Variants in GPR139 observed in about 807,000 individuals in gnomAD.
The protein encoded by GPR139 is probable G protein-coupled receptor 139.
GPR139 carries 12 observed loss-of-function variants against 25.8 expected under a neutral mutation model. The observed-to-expected ratio is 0.47, with a 90% CI of 0.30 to 0.75. The LOEUF (loss-of-function observed/expected upper bound fraction) is 0.75, where lower values mean the gene tolerates loss of function less well. Ranked by LOEUF, GPR139 falls within the 30% of genes least tolerant of loss-of-function variation. GPR139 has a pLI of 0.07. For synonymous variants in GPR139, 184 were observed against 179.9 expected, an observed-to-expected ratio of 1.02 and a Z score of -0.18; for missense variants, 380 against 450.2, an observed-to-expected ratio of 0.84 and a Z score of 1.41.
chr16:20,031,404 T>TCTC lies in GPR139; in HGVS notation c.*330_*331insGAG. 1 of 302,010 alleles carries TCTC rather than the reference T, an allele frequency of 3.3e-6. No individual in the cohort carries two copies. Among genetic ancestry groups the TCTC allele is most frequent in the South Asian group, 5.1e-5 (1 of 19,784 alleles). 18.7% of individuals were successfully genotyped at this position (302,010 alleles called of 1,614,324 possible). The stretch of plus-strand genomic sequence containing the variant: ...ATGAAGGGTTCCCAGTGACTGTGGA[T>TCTC]GGTACCAGGGCGAAATCACAGACTA... On this transcript the variant is annotated 3_prime_UTR_variant, in exon 2 of 2. Transcript: ENST00000570682.
chr16:20,065,170 A>T (rs1262770606), intron 1 of GPR139, among the ~76,000 whole-genome samples: 3 of 152,066 alleles, frequency 2.0e-5, no homozygotes, highest in Non-Finnish European at 4.4e-5. Context: ...GCCTGCAGAT[A>T]TGTTTGGTTT....
At chr16:20,047,935 G>A (rs114555725) in intron 1 of GPR139, among the ~76,000 whole-genome samples, 5 of 152,106 alleles carry the variant, frequency 3.3e-5, no homozygotes, top group African/African-American at 1.2e-4. Context: ...GAAAGTGCCC[G>A]GTGCTAGGCA....
At chr16:20,053,592 T>C (rs2057379471) in intron 1 of GPR139, among the ~76,000 whole-genome samples, 1 of 152,132 alleles carries the variant, frequency 6.6e-6, no homozygotes, top group Non-Finnish European at 1.5e-5. Flanking sequence ...CTCAGTGAAA[T>C]TGCTTTGCAA....
In GPR139 at chr16:20,032,580, C is replaced by T. The variant is rs2057294820; in HGVS notation, c.217G>A (p.Asp73Asn). 7 of 1,614,094 alleles carry T rather than the reference C, an allele frequency of 4.3e-6. No individual in the cohort carries two copies. The highest frequency in any genetic ancestry group is 1.1e-5 in the South Asian group (1 of 91,080). ...YNYLLALAAA[D>N]ILVLFFIVFV... The stretch of plus-strand genomic sequence containing the variant: ...ACTATGAAAAAGAGGACCAAGATGT[C>T]GGCAGCAGCGAGTGCCAAGAGATAG... Residue 73 changes from aspartate (D) to asparagine (N), a missense_variant, in exon 2 of 2, where the codon GAC (aspartate) becomes AAC (asparagine). By Grantham distance (23) the Asp-to-Asn change is conservative. Coordinates refer to ENST00000570682, the MANE Select transcript of GPR139 (RefSeq NM_001002911.4).
intron 1 of GPR139, among the ~76,000 whole-genome samples, chr16:20,058,745 C>A (rs1219475970): frequency 6.6e-6 from 1 of 152,166 alleles, no homozygotes; most frequent in Non-Finnish European, 1.5e-5. Flanking sequence ...ATTTGTCAAA[C>A]GACAGTGCTG....
At position 20,060,105 on chromosome 16, in the gene GPR139, T is replaced by C. The variant is rs969398783; in HGVS notation, c.127+13385A>G. Among the ~76,000 whole-genome samples, 9 of 152,142 alleles carry C rather than the reference T, an allele frequency of 5.9e-5. 1 individual carries two copies. Among genetic ancestry groups the C allele is most frequent in the Admixed American group, 5.9e-4 (9 of 15,282 alleles). On this transcript the variant is annotated intron_variant, in intron 1 of 1. Coordinates refer to ENST00000570682, the MANE Select transcript of GPR139 (RefSeq NM_001002911.4). ...TTCCACCACATTCCAGGGAAGACAC[T>C]GCTTTCTTTCAGGAGGCAGATGATG...
intron 1 of GPR139, among the ~76,000 whole-genome samples, chr16:20,041,139 A>G (rs1273910173): frequency 2.8e-3 from 1 of 358 alleles, no homozygotes; most frequent in South Asian, 0.025. Context: ...AGGAGAGGAG[A>G]GGAGAGGAGA....
intron 1 of GPR139, among the ~76,000 whole-genome samples, chr16:20,063,732 T>G (rs1227181156): frequency 6.6e-6 from 1 of 152,208 alleles, no homozygotes; most frequent in Non-Finnish European, 1.5e-5. Context: ...TCTTTTTCCT[T>G]TACTCCTTTT....
chr16:20,039,073 T>C (rs757229618), intron 1 of GPR139, among the ~76,000 whole-genome samples: 2 of 152,224 alleles, frequency 1.3e-5, no homozygotes, highest in Non-Finnish European at 2.9e-5. Context: ...GCAAATCCTT[T>C]CTGTCAATGG....
chr16:20,056,192 C>T (rs141015716), intron 1 of GPR139, among the ~76,000 whole-genome samples: 1 of 152,324 alleles, frequency 6.6e-6, no homozygotes, highest in African/African-American at 2.4e-5. Flanking sequence ...CAGCACTGCT[C>T]CCCAACCCAA....
Position 20,032,353 on chromosome 16 carries a change from G to C in GPR139, c.444C>G (p.Val148=), listed in dbSNP as rs753339106. The C allele has an allele frequency of 3.1e-6, 5 of 1,614,098 alleles. No homozygotes were observed. Among genetic ancestry groups the C allele is most frequent in the Non-Finnish European group, 4.2e-6 (5 of 1,180,044 alleles). ...TVSYPARTRK[V]IVSVYITCFL... ...AGCAGGTGATGTAAACACTTACAAT[G>C]ACTTTCCGGGTGCGGGCTGGGTATG... Residue 148 remains valine, a synonymous_variant, in exon 2 of 2, where the codon GTC becomes GTG. Transcript: ENST00000570682.
At chr16:20,066,569 T>C (rs1567240940) in intron 1 of GPR139, among the ~76,000 whole-genome samples, 1 of 152,234 alleles carries the variant, frequency 6.6e-6, no homozygotes, top group Non-Finnish European at 1.5e-5. Flanking sequence ...CACAGAGTGA[T>C]GTGTGGCTAC....
At chr16:20,041,228 G>T (rs1045522492) in intron 1 of GPR139, among the ~76,000 whole-genome samples, 3 of 5,078 alleles carry the variant, frequency 5.9e-4, no homozygotes, top group Non-Finnish European at 1.0e-3. Flanking sequence ...GAGGAGAGGA[G>T]AGGAGAGGAG....
rs549998420 is a variant in GPR139, at chr16:20,032,383, C to G, written c.414G>C (p.Thr138=). ...TCCGGGTGCGGGCTGGGTATGAGAC[C>G]GTGTGGTACTTGAGCGGGTGGCAGA... ...IAVCHPLKYH[T]VSYPARTRKV... Residue 138 remains threonine (T), a synonymous_variant, in exon 2 of 2, where the codon ACG becomes ACC. Transcript: ENST00000570682. 15 of 1,613,984 alleles carry G rather than the reference C, an allele frequency of 9.3e-6. No individual in the cohort carries two copies. Among genetic ancestry groups the G allele is most frequent in the African/African-American group, 5.3e-5 (4 of 74,886 alleles).
intron 1 of GPR139, among the ~76,000 whole-genome samples, chr16:20,072,931 C>T (rs577873929): frequency 6.6e-6 from 1 of 152,174 alleles, no homozygotes; most frequent in Non-Finnish European, 1.5e-5. Context: ...AGCTGGGAGA[C>T]CCTTTTCTTG....
chr16:20,073,843 G>C lies in GPR139; in HGVS notation c.-227C>G. On this transcript the variant is annotated 5_prime_UTR_variant, in exon 1 of 2. Transcript: ENST00000570682. The surrounding 1 kb of genome is among the most constrained non-coding windows in gnomAD (Gnocchi z 4.7). ...CCGCAGGGCGCGGGGCGCAGGGTGC[G>C]GGGCGCGCTGCGCGGGGCCTCGGGA... 2 of 509,274 alleles carry C rather than the reference G, an allele frequency of 3.9e-6. No individual in the cohort carries two copies. The allele number at this position is 509,274 out of a possible 1,614,324, so 31.5% of individuals were successfully genotyped here.
intron 1 of GPR139, among the ~76,000 whole-genome samples, chr16:20,037,875 G>C (rs1326265587): frequency 6.6e-6 from 1 of 151,956 alleles, no homozygotes; most frequent in Admixed American, 6.6e-5. Context: ...TTTCCTTTTT[G>C]ATGAGACTGA....
At chr16:20,043,290 C>T (rs561420865) in intron 1 of GPR139, among the ~76,000 whole-genome samples, 2 of 152,274 alleles carry the variant, frequency 1.3e-5, no homozygotes, top group Non-Finnish European at 2.9e-5. Context: ...AACTGCCAGA[C>T]CTCAATCACG....
Position 20,032,128 on chromosome 16 carries a change from C to G in GPR139, c.669G>C (p.Thr223=), listed in dbSNP as rs755708269. ...KSNFRLRGYS[T]GKTTAILFTI... is the part of the protein sequence containing the mutation. ...TGAACAAGATGGCGGTGGTCTTCCCCGTGGAGTAGCCACGGAGACGAAAAT... is the reference window on the plus strand; with the variant it reads ...TGAACAAGATGGCGGTGGTCTTCCCGGTGGAGTAGCCACGGAGACGAAAAT... Residue 223 remains threonine, a synonymous_variant, in exon 2 of 2, where the codon ACG becomes ACC. Coordinates refer to ENST00000570682, the MANE Select transcript of GPR139 (RefSeq NM_001002911.4). 6 of 1,613,980 alleles carry G rather than the reference C, an allele frequency of 3.7e-6. No individual in the cohort carries two copies. Among genetic ancestry groups the G allele is most frequent in the Non-Finnish European group, 5.1e-6 (6 of 1,180,024 alleles).
Sources: gnomAD v4.1 joint callset for allele counts (sites outside exome capture counted in the v4.1 genomes callset) on GRCh38, gnomAD v4.1.1 for gene constraint, Gnocchi (gnomAD v3.1) non-coding constraint, MANE v1.5 for transcripts, NCBI Gene and HGNC (gene_info 2026-07-23, HGNC 2026-07-21) for gene names.